CATSPERB: variants seen among roughly 807,000 people sequenced by gnomAD.
The protein encoded by CATSPERB is cation channel sperm-associated auxiliary subunit beta.
A neutral mutation model predicts 128.3 loss-of-function variants in CATSPERB; 93 were observed. The ratio of observed to expected loss-of-function variants is 0.72; its 90% CI spans 0.61 to 0.86. CATSPERB has a LOEUF of 0.86. CATSPERB is among the 40% of genes least tolerant of loss of function. The pLI is 0.00. For synonymous variants in CATSPERB, 381 were observed against 448.8 expected, an observed-to-expected ratio of 0.85 and a Z score of 1.91; for missense variants, 1,153 against 1,329.5, an observed-to-expected ratio of 0.87 and a Z score of 2.06.
At chr14:91,720,042 G>C (rs1220776076) in intron 4 of CATSPERB, among the ~76,000 whole-genome samples, 1 of 152,168 alleles carries the variant, frequency 6.6e-6, no homozygotes, top group Non-Finnish European at 1.5e-5. Context: ...AGATCTTAGA[G>C]ACGTGTGGTA....
intron 14 of CATSPERB, among the ~76,000 whole-genome samples, chr14:91,662,040 C>A (rs1480749619): frequency 6.6e-6 from 1 of 152,058 alleles, no homozygotes; most frequent in Non-Finnish European, 1.5e-5. Flanking sequence ...TTTATCTATA[C>A]ATGGCTCATT....
chr14:91,604,720 G>T, intron 22 of CATSPERB: 2 of 1,613,790 alleles, frequency 1.2e-6, no homozygotes, highest in African/African-American at 1.3e-5. Context: ...AATTGTTCCA[G>T]GTCTGGTTGC....
At chr14:91,598,442 A>G (rs933110597) in intron 22 of CATSPERB, among the ~76,000 whole-genome samples, 23 of 152,158 alleles carry the variant, frequency 1.5e-4, no homozygotes, top group Non-Finnish European at 2.8e-4. Context: ...GTCTACAAGT[A>G]TTTATCCCAT....
chr14:91,717,621 A>G (rs1025954826), intron 5 of CATSPERB, among the ~76,000 whole-genome samples: 1 of 152,212 alleles, frequency 6.6e-6, no homozygotes, highest in East Asian at 1.9e-4. Flanking sequence ...TAAGAATTCA[A>G]TAAATGCTGC....
At chr14:91,687,076 T>A (rs927996306) in intron 10 of CATSPERB, among the ~76,000 whole-genome samples, 1 of 152,164 alleles carries the variant, frequency 6.6e-6, no homozygotes, top group African/African-American at 2.4e-5. Context: ...ATTCATTATA[T>A]TCATAATTAT....
chr14:91,655,980 C>T (rs1166798459), intron 15 of CATSPERB, among the ~76,000 whole-genome samples: 1 of 152,062 alleles, frequency 6.6e-6, no homozygotes, highest in Non-Finnish European at 1.5e-5. Context: ...AAAGGAGCCC[C>T]AATATATCTG....
At chr14:91,632,101 CAA>C (rs1894289250) in intron 17 of CATSPERB, among the ~76,000 whole-genome samples, 1 of 151,954 alleles carries the variant, frequency 6.6e-6, no homozygotes, top group African/African-American at 2.4e-5. Context: ...GGAATGAAGA[CAA>C]ATATATTAGT....
intron 13 of CATSPERB, among the ~76,000 whole-genome samples, chr14:91,671,769 C>T (rs1043561318): frequency 1.3e-5 from 2 of 152,056 alleles, no homozygotes; most frequent in Non-Finnish European, 2.9e-5. Flanking sequence ...CGGTGGCTCA[C>T]GCTTGTAATC....
chr14:91,683,662 G>A (rs1421571776), intron 11 of CATSPERB, among the ~76,000 whole-genome samples: 4 of 152,054 alleles, frequency 2.6e-5, no homozygotes, highest in Admixed American at 6.5e-5. Context: ...TGTTCCAGGT[G>A]GAGCATGACT....
At chr14:91,605,377 G>C (rs1486800046) in intron 22 of CATSPERB, 2 of 594,292 alleles carry the variant, frequency 3.4e-6, no homozygotes, top group East Asian at 2.7e-5. Flanking sequence ...AAAAGGTTAA[G>C]GTGGCTTTAA....
At chr14:91,658,598 T>C (rs1894824802) in intron 15 of CATSPERB, among the ~76,000 whole-genome samples, 1 of 149,190 alleles carries the variant, frequency 6.7e-6, no homozygotes, top group Non-Finnish European at 1.5e-5. Context: ...GGATACCCCA[T>C]TTACCCCGAT....
At chr14:91,614,295 AC>A (rs199899074) in intron 20 of CATSPERB, among the ~76,000 whole-genome samples, 89,742 of 151,320 alleles carry the variant, frequency 0.59, 27,453 homozygotes, top group Admixed American at 0.71. Context: ...TCTAGGGCTC[AC>A]ACTTTTATCC....
chr14:91,682,539 C>A (rs1460329884), intron 11 of CATSPERB, among the ~76,000 whole-genome samples: 3 of 152,126 alleles, frequency 2.0e-5, no homozygotes, highest in Admixed American at 6.5e-5. Context: ...TCAACCCTTC[C>A]CCCGGGGCTG....
chr14:91,593,150 C>T (rs1893441551), intron 22 of CATSPERB, among the ~76,000 whole-genome samples: 1 of 152,200 alleles, frequency 6.6e-6, no homozygotes, highest in East Asian at 1.9e-4. Flanking sequence ...GATGCCCAGG[C>T]AAAAGTTTTC....
At chr14:91,635,183 T>A (rs938847000) in intron 17 of CATSPERB, among the ~76,000 whole-genome samples, 8 of 152,054 alleles carry the variant, frequency 5.3e-5, no homozygotes, top group African/African-American at 1.9e-4. Context: ...CATGACCTAG[T>A]CACCTACCAA....
chr14:91,580,752 T>C lies in CATSPERB; in HGVS notation c.*137A>G. ...ATAAGAAAAGGAAATGGTGAATATA[T>C]TGACAAGTAGCAATTTGAATTATAA... On this transcript the variant is annotated 3_prime_UTR_variant, in exon 27 of 27. Transcript: ENST00000256343. The C allele has an allele frequency of 1.5e-6, 1 of 671,344 alleles. No homozygotes were observed. Among genetic ancestry groups the C allele is most frequent in the South Asian group, 2.0e-5 (1 of 50,722 alleles). 41.6% of individuals were successfully genotyped at this position (671,344 alleles called of 1,614,324 possible).
At chr14:91,666,590 A>G (rs1894987599) in intron 14 of CATSPERB, among the ~76,000 whole-genome samples, 1 of 152,224 alleles carries the variant, frequency 6.6e-6, no homozygotes, top group Non-Finnish European at 1.5e-5. Context: ...AAAGAAGTTG[A>G]TGTAGTAGCA....
chr14:91,692,116 G>T (rs1439034258), intron 9 of CATSPERB, among the ~76,000 whole-genome samples: 1 of 150,206 alleles, frequency 6.7e-6, no homozygotes, highest in East Asian at 2.0e-4. Flanking sequence ...GGCGGAGATT[G>T]CAGGGAGCTG....
intron 10 of CATSPERB, among the ~76,000 whole-genome samples, chr14:91,688,417 T>C (rs1016103584): frequency 6.6e-6 from 1 of 152,220 alleles, no homozygotes; most frequent in African/African-American, 2.4e-5. Context: ...TATGCCTACA[T>C]TTTTTCAGTG....
Sources: allele counts gnomAD v4.1 joint callset (sites outside exome capture counted in the v4.1 genomes callset), GRCh38; gene constraint gnomAD v4.1.1; transcripts MANE v1.5; gene names NCBI Gene and HGNC (gene_info 2026-07-23, HGNC 2026-07-21).